Variants in IL3RA observed in about 807,000 individuals in gnomAD.
IL3RA encodes interleukin 3 receptor subunit alpha.
A neutral mutation model predicts 52.3 loss-of-function variants in IL3RA; 73 were observed. That is an observed-to-expected ratio of 1.40 (90% CI 1.16 to 1.70). The LOEUF (loss-of-function observed/expected upper bound fraction) is 1.70. Among genes scored for constraint, IL3RA ranks in the 40% most tolerant of loss-of-function variants. IL3RA has a pLI of 0.00. For missense variants in IL3RA, 664 were observed against 504.4 expected, an observed-to-expected ratio of 1.32 and a Z score of -3.03; for synonymous variants, 260 against 194.0, an observed-to-expected ratio of 1.34 and a Z score of -2.83.
chrX:1,345,256 T>C, intron 2 of IL3RA, 60 bp from the exon 3 acceptor site: 2 of 1,153,978 alleles, frequency 1.7e-6, no homozygotes, highest in South Asian at 3.0e-5. Context: ...CCATACCCCT[T>C]ACAATGCCGT....
intron 1 of IL3RA, among the ~76,000 whole-genome samples, chrX:1,338,036 A>G (rs1488123178): frequency 7.7e-6 from 1 of 130,654 alleles, no homozygotes; most frequent in African/African-American, 2.9e-5. Flanking sequence ...TGTGGTCCAG[A>G]CACACAGTGG....
At chrX:1,348,587 C>A in intron 4 of IL3RA, 42 bp downstream of exon 4, 1 of 1,378,470 alleles carries the variant, frequency 7.3e-7, no homozygotes, top group Non-Finnish European at 1.0e-6. Context: ...CTATTCCCTC[C>A]CTCCTTCCCT....
In IL3RA at chrX:1,341,671, AC is replaced by A; in HGVS notation, c.-38-54del. The A allele has an allele frequency of 2.1e-6, 3 of 1,405,116 alleles. No individual in the cohort carries two copies. The South Asian group carries it at 3.5e-5, about 16-fold the overall frequency. 87.0% of individuals were successfully genotyped at this position (1,405,116 alleles called of 1,614,324 possible). A position where few individuals can be genotyped will look rare whatever the true frequency, so the allele number is the denominator to read the frequency against. On this transcript the variant is annotated intron_variant, in intron 1 of 11. Coordinates refer to ENST00000331035, the MANE Select transcript of IL3RA (RefSeq NM_002183.4). Reference sequence around the variant, plus strand: ...CTGGAAGGGGCAAGCATCCTTCATTACCCGCAACCCAGTTTCACAGCCAGTC... The same window carrying A: ...CTGGAAGGGGCAAGCATCCTTCATTACCGCAACCCAGTTTCACAGCCAGTC...
rs1474840898 is a variant in IL3RA, at chrX:1,361,499, C to T, written c.759+2612C>T. Among the ~76,000 whole-genome samples the T allele has an allele frequency of 5.3e-5, 8 of 152,244 alleles. No individual in the cohort carries two copies. The East Asian group carries it at 1.3e-3, about 26-fold the overall frequency. On this transcript the variant is annotated intron_variant, in intron 8 of 11. Coordinates refer to ENST00000331035, the MANE Select transcript of IL3RA (RefSeq NM_002183.4). ...GGGCGCAGTGACTCATGCCTGTAATCACAGCACCTTGGGAGGACGAGGTGG... is the reference window on the plus strand; with the variant it reads ...GGGCGCAGTGACTCATGCCTGTAATTACAGCACCTTGGGAGGACGAGGTGG...
At chrX:1,380,926 C>T (rs2089148134) in intron 10 of IL3RA, 97 bp from the exon 11 acceptor site, 7 of 1,040,648 alleles carry the variant, frequency 6.7e-6, no homozygotes, top group Middle Eastern at 2.1e-4. Context: ...GAGTCTTTTG[C>T]TCTGTCCTGG....
At chrX:1,359,629 CCTCT>C (rs781321443) in intron 8 of IL3RA, among the ~76,000 whole-genome samples, 155 of 146,804 alleles carry the variant, frequency 1.1e-3, no homozygotes, top group South Asian at 3.8e-3. Flanking sequence ...ATTCTCCTTC[CCTCT>C]CTCTATCTTT....
intron 4 of IL3RA, 23 bp from the exon 5 acceptor site, chrX:1,352,077 C>T (rs1204407515): frequency 6.2e-7 from 1 of 1,612,640 alleles, no homozygotes; most frequent in South Asian, 1.1e-5. Flanking sequence ...GATTCGAGTT[C>T]TCTTTCATGT....
At chrX:1,354,441 A>C (rs1258474432) in intron 6 of IL3RA, among the ~76,000 whole-genome samples, 1 of 150,440 alleles carries the variant, frequency 6.6e-6, no homozygotes, top group Admixed American at 6.7e-5. Context: ...AACGAGGAAG[A>C]GGAGGAGAAG....
chrX:1,348,659 T>C (rs112031303), intron 4 of IL3RA, 114 bp downstream of exon 4: 1 of 435,478 alleles, frequency 2.3e-6, no homozygotes, highest in Non-Finnish European at 4.0e-6. Context: ...TCTTTCTTTC[T>C]TTCTTTCTTT....
At chrX:1,359,808 T>TTCTCTC (rs373695054) in intron 8 of IL3RA, among the ~76,000 whole-genome samples, 3 of 130,502 alleles carry the variant, frequency 2.3e-5, no homozygotes, top group Non-Finnish European at 4.9e-5. Context: ...CTCCCTCTCT[T>TTCTCTC]TCTCTCTCTC....
rs764435141 is a variant in IL3RA at position 1,382,415 on chromosome X, G to A, written c.1087G>A (p.Gly363Ser). ...KLVVWEAGKA[G>S]LEECLVTEVQ... ...GGTGGTCTGGGAGGCGGGCAAAGCC[G>A]GCCTGGAGGAGTGTCTGGTGACTGA... The change falls in exon 12 of 12, where the codon GGC (glycine) becomes AGC (serine). Residue 363 changes from glycine to serine, a missense_variant. Transcript: ENST00000331035. 9.3e-6 allele frequency: 15 copies of A among 1,613,692 alleles called. No homozygotes were observed. The highest frequency in any genetic ancestry group is 5.0e-5 in the Admixed American group (3 of 59,980).
rs1273518338 is a variant in IL3RA at position 1,378,723 on chromosome X, G to A, written c.939G>A (p.Gly313=). The A allele has an allele frequency of 6.2e-7, 1 of 1,612,446 alleles. No homozygotes were observed. The highest frequency in any genetic ancestry group is 8.5e-7 in the Non-Finnish European group (1 of 1,179,864). ...AWRTSLLIAL[G]TLLALVCVFV... ...GGACGTCGCTGCTGATCGCGCTGGG[G>A]ACGCTGCTGGCCCTGGTCTGTGTCT... The change falls in exon 10 of 12, where the codon GGG becomes GGA. Residue 313 remains glycine (G), a synonymous_variant. Transcript: ENST00000331035.
At chrX:1,362,245 T>C (rs756892563) in intron 8 of IL3RA, among the ~76,000 whole-genome samples, 4 of 150,408 alleles carry the variant, frequency 2.7e-5, no homozygotes, top group Non-Finnish European at 4.4e-5. Flanking sequence ...TCTGTCTTTG[T>C]CTATGTCTCT....
chrX:1,365,140 C>A lies in IL3RA; in HGVS notation c.762C>A (p.Val254=), dbSNP rs775285805. ...KRMQPVITEQ[V]RDRTSFQLLN... is the part of the protein sequence containing the mutation. ...CTTTATTTTCTTTCAAACCACAGGT[C>A]AGAGACAGAACCTCCTTCCAGCTAC... The change falls in exon 9 of 12, where the codon GTC becomes GTA. Residue 254 remains valine, a splice_region_variant and synonymous_variant. Coordinates refer to ENST00000331035, the MANE Select transcript of IL3RA (RefSeq NM_002183.4). 6.2e-7 allele frequency: 1 copy of A among 1,606,672 alleles called. No homozygotes were observed. Among genetic ancestry groups the A allele is most frequent in the Non-Finnish European group, 8.5e-7 (1 of 1,175,110 alleles).
rs2085512889 is a variant in IL3RA at position 1,341,938 on chromosome X, G to A, written c.64+109G>A. On this transcript the variant is annotated intron_variant, in intron 2 of 11. Coordinates refer to ENST00000331035, the MANE Select transcript of IL3RA (RefSeq NM_002183.4). ...GGGAAACTTTTCATGCTGAGCTCAT[G>A]GCAGAGTCTCATGCAGTGGTCGGGA... 5 of 1,113,118 alleles carry A rather than the reference G, an allele frequency of 4.5e-6. No homozygotes were observed. The Admixed American group carries it at 5.1e-5, about 11-fold the overall frequency. 69.0% of individuals were successfully genotyped at this position (1,113,118 alleles called of 1,614,324 possible).
At chrX:1,343,049 TG>T (rs1436410140) in intron 2 of IL3RA, among the ~76,000 whole-genome samples, 1 of 151,654 alleles carries the variant, frequency 6.6e-6, no homozygotes, top group Non-Finnish European at 1.5e-5. Flanking sequence ...CACTCCAGCC[TG>T]GGCGACAGAG....
At chrX:1,381,948 G>T (rs28427507) in intron 11 of IL3RA, among the ~76,000 whole-genome samples, 76,564 of 130,842 alleles carry the variant, frequency 0.59, 20,744 homozygotes, top group African/African-American at 0.73. Context: ...GTTTTGTTTT[G>T]TTTGTTTTTG....
intron 9 of IL3RA, among the ~76,000 whole-genome samples, chrX:1,366,897 A>C (rs1238734731): frequency 7.2e-5 from 1 of 13,822 alleles, no homozygotes; most frequent in Non-Finnish European, 1.3e-4. Context: ...GCGCGGGGTG[A>C]GCCGGGTGCG....
At chrX:1,346,380 A>T (rs1360588504) in intron 3 of IL3RA, among the ~76,000 whole-genome samples, 1 of 151,966 alleles carries the variant, frequency 6.6e-6, no homozygotes, top group Non-Finnish European at 1.5e-5. Flanking sequence ...CAGAGGTTGC[A>T]TTGAGCCGAG....
Sources: allele counts gnomAD v4.1 joint callset (sites outside exome capture counted in the v4.1 genomes callset), GRCh38; gene constraint gnomAD v4.1.1; transcripts MANE v1.5; gene names NCBI Gene and HGNC (gene_info 2026-07-23, HGNC 2026-07-21).